Variants in ACTN1 observed in about 807,000 individuals in gnomAD.
ACTN1 encodes alpha-actinin-1.
ACTN1 carries 30 observed loss-of-function variants against 119.6 expected under a neutral mutation model. That is an observed-to-expected ratio of 0.25 (90% CI 0.19 to 0.34). ACTN1 has a LOEUF of 0.34. Ranked by LOEUF, ACTN1 falls within the 10% of genes least tolerant of loss-of-function variation. The probability of loss-of-function intolerance (pLI) is 1.00; values close to 1 mark genes in which losing one functional copy is unlikely to be tolerated. For synonymous variants in ACTN1, 429 were observed against 472.6 expected, an observed-to-expected ratio of 0.91 and a Z score of 1.20; for missense variants, 764 against 1,223.4, an observed-to-expected ratio of 0.62 and a Z score of 5.60.
At chr14:68,938,104 T>C (rs1566657870) in intron 1 of ACTN1, among the ~76,000 whole-genome samples, 1 of 151,986 alleles carries the variant, frequency 6.6e-6, no homozygotes, top group Non-Finnish European at 1.5e-5. Context: ...TAAATAGGAG[T>C]ATCTGGCTAA....
chr14:68,884,968 G>A, intron 12 of ACTN1, 85 bp from the exon 13 acceptor site: 3 of 1,184,938 alleles, frequency 2.5e-6, no homozygotes, highest in Non-Finnish European at 3.7e-6. Context: ...TCAGTGGGGT[G>A]GCTGGTGGTG....
At chr14:68,969,436 T>C (rs2036808158) in intron 1 of ACTN1, among the ~76,000 whole-genome samples, 2 of 152,218 alleles carry the variant, frequency 1.3e-5, no homozygotes, top group African/African-American at 2.4e-5. Context: ...GCACTTTGGG[T>C]TCCTGGAAAG....
chr14:68,881,648 G>A (rs2031522508), intron 16 of ACTN1, among the ~76,000 whole-genome samples: 1 of 152,138 alleles, frequency 6.6e-6, no homozygotes, highest in Non-Finnish European at 1.5e-5. Context: ...ACTCAACATG[G>A]TCTCTGTTCT....
intron 1 of ACTN1, among the ~76,000 whole-genome samples, chr14:68,955,578 C>G (rs2036327938): frequency 1.3e-5 from 2 of 152,148 alleles, no homozygotes; most frequent in African/African-American, 2.4e-5. Context: ...CGCAGGAAAC[C>G]AAACAGAGTT....
At chr14:68,937,142 C>T (rs2035567163) in intron 1 of ACTN1, among the ~76,000 whole-genome samples, 2 of 152,046 alleles carry the variant, frequency 1.3e-5, no homozygotes, top group Admixed American at 1.3e-4. Flanking sequence ...CCCACCCTCA[C>T]TTGCAGTCCA....
chr14:68,941,616 GATA>G (rs2035763593), intron 1 of ACTN1, among the ~76,000 whole-genome samples: 1 of 152,074 alleles, frequency 6.6e-6, no homozygotes, highest in Non-Finnish European at 1.5e-5. Context: ...GTTTCAATGA[GATA>G]ATCTATGCAA....
intron 1 of ACTN1, among the ~76,000 whole-genome samples, chr14:68,968,352 C>G (rs2036770556): frequency 6.6e-6 from 1 of 152,208 alleles, no homozygotes; most frequent in Non-Finnish European, 1.5e-5. Flanking sequence ...CTTTGGAACT[C>G]AGCAGTCTCA....
At chr14:68,935,575 G>A (rs1291696468) in intron 1 of ACTN1, among the ~76,000 whole-genome samples, 9 of 151,730 alleles carry the variant, frequency 5.9e-5, no homozygotes, top group Non-Finnish European at 7.4e-5. Context: ...TAGTAGAGAC[G>A]GGGTTTTGCT....
chr14:68,949,485 A>AG (rs2036058278), intron 1 of ACTN1, among the ~76,000 whole-genome samples: 1 of 152,312 alleles, frequency 6.6e-6, no homozygotes, highest in Admixed American at 6.5e-5. Flanking sequence ...TGGCGCTGGC[A>AG]GGGGGAAGGG....
chr14:68,884,407 C>G, intron 13 of ACTN1, 99 bp from the exon 14 acceptor site: 1 of 1,380,594 alleles, frequency 7.2e-7, no homozygotes, highest in Admixed American at 2.2e-5. Context: ...TCTAGAAGCA[C>G]TGACTCAATC....
chr14:68,950,486 C>A (rs1305156011), intron 1 of ACTN1, among the ~76,000 whole-genome samples: 1 of 102,090 alleles, frequency 9.8e-6, no homozygotes, highest in African/African-American at 6.8e-5. Flanking sequence ...ATAAATCAAA[C>A]ATATAAAATC....
In ACTN1 at chr14:68,879,810, C is replaced by T. The variant is rs1244609160; in HGVS notation, c.2280+152G>A. The T allele has an allele frequency of 1.8e-6, 2 of 1,095,198 alleles. No homozygotes were observed. The allele number at this position is 1,095,198 out of a possible 1,614,324, so 67.8% of individuals were successfully genotyped here. ...CACAGGTTTTCCAAGGCTGGTTTTG[C>T]AGGGTGCATTGAGTCAGGGCAGGCT... On this transcript the variant is annotated intron_variant, in intron 18 of 21. Coordinates refer to ENST00000394419, the MANE Select transcript of ACTN1 (RefSeq NM_001130004.2). This position sits in a 1 kb window ranked among gnomAD's most constrained non-coding sequence, Gnocchi z 4.9.
intron 1 of ACTN1, among the ~76,000 whole-genome samples, chr14:68,950,069 G>C (rs1363908035): frequency 6.6e-6 from 1 of 152,082 alleles, no homozygotes; most frequent in African/African-American, 2.4e-5. Context: ...GCTGAGGTGG[G>C]CGGATCACAA....
At position 68,909,860 on chromosome 14, in the gene ACTN1, G is replaced by T; in HGVS notation, c.515+95C>A. The T allele has an allele frequency of 9.5e-7, 1 of 1,050,642 alleles. No homozygotes were observed. Among genetic ancestry groups the T allele is most frequent in the East Asian group, 2.4e-5 (1 of 42,202 alleles). 65.1% of individuals were successfully genotyped at this position (1,050,642 alleles called of 1,614,324 possible). A position where few individuals can be genotyped will look rare whatever the true frequency, so the allele number is the denominator to read the frequency against. ...TTCTTCCCCCAGAGGTCTCCACTTT[G>T]TTCTAAAGCTGAGACTGACCCAGCC... On this transcript the variant is annotated intron_variant, in intron 5 of 21. Transcript: ENST00000394419. The surrounding 1 kb of genome is among the most constrained non-coding windows in gnomAD (Gnocchi z 4.1).
At chr14:68,976,574 T>C (rs76347702) in intron 1 of ACTN1, among the ~76,000 whole-genome samples, 11,190 of 152,246 alleles carry the variant, frequency 0.073, 725 homozygotes, top group African/African-American at 0.17. Flanking sequence ...CCTTCTGCCA[T>C]GGCCCCTCCA....
chr14:68,917,707 T>C (rs186751228), intron 3 of ACTN1, among the ~76,000 whole-genome samples: 2 of 152,344 alleles, frequency 1.3e-5, no homozygotes, highest in East Asian at 3.9e-4. Context: ...ATTTCACTCC[T>C]GGAAGCCACA....
intron 1 of ACTN1, among the ~76,000 whole-genome samples, chr14:68,942,537 G>C (rs2035796494): frequency 6.6e-6 from 1 of 152,160 alleles, no homozygotes; most frequent in Non-Finnish European, 1.5e-5. Flanking sequence ...CTGGAGGAGG[G>C]GAGCAGTCTT....
chr14:68,882,735 G>A lies in ACTN1; in HGVS notation c.1818+138C>T. ...GGTGTCAACCTGTTCTGGAAACCCA[G>A]TCATTTGACATTTGGACAAACAATG... On this transcript the variant is annotated intron_variant, in intron 15 of 21. Transcript: ENST00000394419. The surrounding 1 kb of genome is among the most constrained non-coding windows in gnomAD (Gnocchi z 4.5). 3 of 1,504,668 alleles carry A rather than the reference G, an allele frequency of 2.0e-6. No homozygotes were observed. The highest frequency in any genetic ancestry group is 2.7e-6 in the Non-Finnish European group (3 of 1,107,340). The allele number at this position is 1,504,668 out of a possible 1,614,324, so 93.2% of individuals were successfully genotyped here. A position where few individuals can be genotyped will look rare whatever the true frequency, so the allele number is the denominator to read the frequency against.
Position 68,979,105 on chromosome 14 carries a change from T to G in ACTN1, c.-49A>C, listed in dbSNP as rs200880194. ...TGGATTTCTTCCTCCACCTTCTCTC[T>G]GAGCAACGGCTGCTGCCCTGGCGTG... is the stretch of plus-strand genomic sequence containing the variant. On this transcript the variant is annotated 5_prime_UTR_variant, in exon 1 of 22. Coordinates refer to ENST00000394419, the MANE Select transcript of ACTN1 (RefSeq NM_001130004.2). The G allele has an allele frequency of 1.8e-6, 2 of 1,141,348 alleles. No homozygotes were observed. Among genetic ancestry groups the G allele is most frequent in the Non-Finnish European group, 2.5e-6 (2 of 814,554 alleles). 70.7% of individuals were successfully genotyped at this position (1,141,348 alleles called of 1,614,324 possible). A position where few individuals can be genotyped will look rare whatever the true frequency, so the allele number is the denominator to read the frequency against.
Sources: gnomAD v4.1 joint callset for allele counts (sites outside exome capture counted in the v4.1 genomes callset) on GRCh38, gnomAD v4.1.1 for gene constraint, Gnocchi (gnomAD v3.1) non-coding constraint, MANE v1.5 for transcripts, NCBI Gene and HGNC (gene_info 2026-07-23, HGNC 2026-07-21) for gene names.